Variants in PCDH7 observed in about 807,000 individuals in gnomAD.
The protein encoded by PCDH7 is protocadherin 7.
PCDH7 carries 17 observed loss-of-function variants against 58.9 expected under a neutral mutation model. The observed-to-expected ratio is 0.29, with a 90% CI of 0.20 to 0.43. The LOEUF is 0.43. Among genes scored for constraint, PCDH7 ranks in the 20% least tolerant of loss-of-function variants. The pLI, the probability that PCDH7 is intolerant of heterozygous loss-of-function variation, is 1.00. For synonymous variants in PCDH7, 664 were observed against 616.4 expected (o/e 1.08, Z -1.14); for missense variants, 1,274 against 1,441.0 (o/e 0.88, Z 1.88).
At chr4:30,847,374 T>C (rs961321436) in intron 1 of PCDH7, among the ~76,000 whole-genome samples, 1 of 152,140 alleles carries the variant, frequency 6.6e-6, no homozygotes, top group Non-Finnish European at 1.5e-5. Flanking sequence ...CCTCCCTTTG[T>C]GCTTCACACC....
At chr4:30,811,400 A>G (rs1482537544) in intron 1 of PCDH7, among the ~76,000 whole-genome samples, 1 of 152,220 alleles carries the variant, frequency 6.6e-6, no homozygotes, top group African/African-American at 2.4e-5. Context: ...TACCTATAAA[A>G]AAAAGGATGA....
chr4:30,881,802 C>A (rs572759879), intron 1 of PCDH7, among the ~76,000 whole-genome samples: 1 of 152,250 alleles, frequency 6.6e-6, no homozygotes, highest in South Asian at 2.1e-4. Context: ...TCTAAACGAA[C>A]CCTTCAGAAA....
At chr4:30,926,913 G>C (rs1743944631) in intron 2 of PCDH7, among the ~76,000 whole-genome samples, 1 of 152,062 alleles carries the variant, frequency 6.6e-6, no homozygotes, top group African/African-American at 2.4e-5. Flanking sequence ...TGTCCAATTA[G>C]TATGCTTACC....
chr4:31,110,248 C>G (rs1716118217), intron 3 of PCDH7, among the ~76,000 whole-genome samples: 1 of 152,200 alleles, frequency 6.6e-6, no homozygotes, highest in South Asian at 2.1e-4. Context: ...CACGGACACT[C>G]TAGTTCCAAA....
intron 1 of PCDH7, among the ~76,000 whole-genome samples, chr4:30,897,757 G>A (rs576337127): frequency 1.3e-5 from 2 of 152,120 alleles, no homozygotes; most frequent in African/African-American, 2.4e-5. Context: ...AATTATACAG[G>A]TTAATATTGT....
intron 2 of PCDH7, among the ~76,000 whole-genome samples, chr4:30,946,089 T>G (rs1746639981): frequency 6.6e-6 from 1 of 152,134 alleles, no homozygotes; most frequent in Non-Finnish European, 1.5e-5. Context: ...TGTGGGAAAG[T>G]TCGAGAGTCA....
chr4:30,917,286 C>G (rs1742602789), intron 1 of PCDH7, among the ~76,000 whole-genome samples: 1 of 152,070 alleles, frequency 6.6e-6, no homozygotes. Flanking sequence ...AATGGGAGCT[C>G]TTTCAGAATT....
intron 3 of PCDH7, among the ~76,000 whole-genome samples, chr4:31,018,676 T>C (rs1363094736): frequency 6.6e-6 from 1 of 152,170 alleles, no homozygotes; most frequent in Non-Finnish European, 1.5e-5. Flanking sequence ...GCACTCTAAA[T>C]CCACTGACAA....
chr4:30,821,505 A>G (rs75912506), intron 1 of PCDH7, among the ~76,000 whole-genome samples: 3,575 of 152,308 alleles, frequency 0.023, 208 homozygotes, highest in East Asian at 0.22. Flanking sequence ...TCTGACATAC[A>G]GCTAAGGATG....
chr4:31,043,744 G>T lies in PCDH7; in HGVS notation c.*7+93529G>T, dbSNP rs184697232. 1.6e-4 allele frequency among the ~76,000 whole-genome samples: 24 copies of T among 150,872 alleles called. 1 individual carries two copies. The East Asian group carries it at 4.0e-3, about 25-fold the overall frequency. On this transcript the variant is annotated intron_variant, in intron 3 of 3. Transcript: ENST00000509759. The stretch of plus-strand genomic sequence containing the variant: ...ATTTCTCCCATTGTGTAGATTGTTT[G>T]TTCACTCTGATAATAGTTTCTTTAC...
intron 3 of PCDH7, among the ~76,000 whole-genome samples, chr4:30,978,414 G>C (rs546566873): frequency 6.6e-6 from 1 of 152,082 alleles, no homozygotes. Flanking sequence ...GAGAATCTTA[G>C]CATCCTGTTT....
intron 1 of PCDH7, among the ~76,000 whole-genome samples, chr4:30,840,616 A>G (rs537270884): frequency 6.6e-6 from 1 of 152,330 alleles, no homozygotes; most frequent in Admixed American, 6.5e-5. Flanking sequence ...TCCAAGCTTT[A>G]TAAAGCCCCA....
chr4:30,790,312 T>G (rs1208930815), intron 1 of PCDH7, among the ~76,000 whole-genome samples: 1 of 152,206 alleles, frequency 6.6e-6, no homozygotes, highest in Non-Finnish European at 1.5e-5. Context: ...GATACCCATC[T>G]TGCAGATGAG....
At chr4:31,039,635 C>A (rs1159578928) in intron 3 of PCDH7, among the ~76,000 whole-genome samples, 1 of 152,154 alleles carries the variant, frequency 6.6e-6, no homozygotes, top group Admixed American at 6.6e-5. Flanking sequence ...TGCTGACTAA[C>A]CCCTATTCTG....
intron 3 of PCDH7, among the ~76,000 whole-genome samples, chr4:30,954,412 A>AT (rs939201572): frequency 2.0e-5 from 3 of 151,872 alleles, no homozygotes; most frequent in African/African-American, 7.3e-5. Flanking sequence ...GCTGACATAA[A>AT]TTTTTTCTCT....
chr4:31,056,468 A>AGAAAGAAAGAAAGAAG, intron 3 of PCDH7, among the ~76,000 whole-genome samples: 1 of 127,662 alleles, frequency 7.8e-6, no homozygotes, highest in Middle Eastern at 3.3e-3. Flanking sequence ...GAAGAAAGAA[A>AGAAAGAAAGAAAGAAG]GAAAGAAAGA....
At chr4:30,730,486 T>C (rs1006575582) in intron 1 of PCDH7, among the ~76,000 whole-genome samples, 2 of 152,164 alleles carry the variant, frequency 1.3e-5, no homozygotes, top group African/African-American at 2.4e-5. Context: ...TCAAGGTTTA[T>C]TTTCAGGAAT....
intron 1 of PCDH7, among the ~76,000 whole-genome samples, chr4:30,854,824 G>A (rs73812637): frequency 0.014 from 2,131 of 152,028 alleles, 43 homozygotes; most frequent in African/African-American, 0.049. Context: ...TGGGATGATG[G>A]CCATAATACA....
chr4:31,134,002 A>G (rs12507539), intron 3 of PCDH7, among the ~76,000 whole-genome samples: 18,253 of 152,168 alleles, frequency 0.12, 2,187 homozygotes, highest in East Asian at 0.48. Context: ...GGTATAACAC[A>G]GTGAAATCCT....
Sources: gnomAD v4.1 joint callset for allele counts (sites outside exome capture counted in the v4.1 genomes callset) on GRCh38, gnomAD v4.1.1 for gene constraint, MANE v1.5 for transcripts, NCBI Gene and HGNC (gene_info 2026-07-23, HGNC 2026-07-21) for gene names.